SLC5A4: variants seen among roughly 807,000 people sequenced by gnomAD.
SLC5A4 encodes probable glucose sensor protein SLC5A4.
Under a neutral mutation model 70.3 loss-of-function variants are expected in SLC5A4, and 55 were observed. The ratio of observed to expected loss-of-function variants is 0.78; its 90% confidence interval spans 0.63 to 0.98. The LOEUF is 0.98. Ranked by LOEUF, SLC5A4 falls within the 50% of genes least tolerant of loss-of-function variation. SLC5A4 has a pLI of 0.00. For synonymous variants in SLC5A4, 268 were observed against 305.7 expected (o/e 0.88, Z 1.29); for missense variants, 735 against 839.2 (o/e 0.88, Z 1.53).
intron 2 of SLC5A4, among the ~76,000 whole-genome samples, chr22:32,252,217 A>G (rs1468362797): frequency 3.3e-5 from 5 of 150,246 alleles, no homozygotes; most frequent in African/African-American, 1.2e-4. Context: ...GTGACAGAGC[A>G]AGACTCTGTC....
chr22:32,243,534 A>G (rs1926653304), intron 5 of SLC5A4, among the ~76,000 whole-genome samples: 1 of 152,218 alleles, frequency 6.6e-6, no homozygotes, highest in South Asian at 2.1e-4. Flanking sequence ...CCCTGCTCCT[A>G]GGAATAACAA....
chr22:32,329,638 C>G, the SLC5A4 span, among the ~76,000 whole-genome samples: 1 of 60,892 alleles, frequency 1.6e-5, no homozygotes, highest in Non-Finnish European at 2.9e-5. Context: ...TTGGAGGGCT[C>G]TGGGGTGTGT....
At chr22:32,333,160 G>A in the SLC5A4 span, among the ~76,000 whole-genome samples, 5 of 151,012 alleles carry the variant, frequency 3.3e-5, no homozygotes, top group African/African-American at 9.7e-5. Context: ...ATGAGGTGCC[G>A]GGACTCCCAG....
the SLC5A4 span, among the ~76,000 whole-genome samples, chr22:32,299,656 G>C: frequency 1.0e-5 from 1 of 99,966 alleles, no homozygotes; most frequent in Non-Finnish European, 2.1e-5. Flanking sequence ...CTCTCAGCTC[G>C]TCAAAGTCAT....
the SLC5A4 span, among the ~76,000 whole-genome samples, chr22:32,354,728 T>A: frequency 1.3e-5 from 2 of 151,240 alleles, 1 homozygote; most frequent in South Asian, 4.2e-4. Context: ...AGATACCACA[T>A]CCAACCAGCC....
intron 3 of SLC5A4, among the ~76,000 whole-genome samples, chr22:32,249,349 G>A (rs542993212): frequency 1.3e-5 from 2 of 152,298 alleles, no homozygotes; most frequent in South Asian, 4.2e-4. Flanking sequence ...CAGAGATTAA[G>A]GGGGCCCAAG....
upstream of SLC5A4, among the ~76,000 whole-genome samples, chr22:32,256,098 C>T (rs141465249): frequency 3.4e-4 from 52 of 152,294 alleles, no homozygotes; most frequent in East Asian, 4.6e-3. Flanking sequence ...GAGAGCATCA[C>T]TTGAGGCCAG....
chr22:32,312,917 A>G, the SLC5A4 span, among the ~76,000 whole-genome samples: 4 of 152,192 alleles, frequency 2.6e-5, no homozygotes, highest in Non-Finnish European at 5.9e-5. Context: ...AGAAGAATCC[A>G]GGTTTCCTCT....
the SLC5A4 span, among the ~76,000 whole-genome samples, chr22:32,310,114 A>G: frequency 6.6e-6 from 1 of 151,436 alleles, no homozygotes; most frequent in Non-Finnish European, 1.5e-5. Context: ...TCCTCCTAGA[A>G]GGTTGTAAAT....
chr22:32,328,311 C>CCCAAAGGAGAA, the SLC5A4 span, among the ~76,000 whole-genome samples: 2 of 152,108 alleles, frequency 1.3e-5, no homozygotes, highest in African/African-American at 4.8e-5. Context: ...TCCTTTGGTA[C>CCCAAAGGAGAA]CCAAAGGAGA....
the SLC5A4 span, among the ~76,000 whole-genome samples, chr22:32,320,542 GTCC>G: frequency 3.3e-5 from 5 of 152,166 alleles, no homozygotes. Context: ...TTGGGCAGCT[GTCC>G]TCAGCCACCT....
At chr22:32,251,681 C>A in intron 3 of SLC5A4, 89 bp downstream of exon 3, 1 of 852,798 alleles carries the variant, frequency 1.2e-6, no homozygotes, top group Non-Finnish European at 2.0e-6. Flanking sequence ...AATTATCCAG[C>A]CTGTGATATT....
In SLC5A4 at chr22:32,255,315, A is replaced by G; in HGVS notation, c.15T>C (p.Val5=). The G allele has an allele frequency of 3.1e-6, 5 of 1,614,154 alleles. No homozygotes were observed. Among genetic ancestry groups the G allele is most frequent in the Non-Finnish European group, 4.2e-6 (5 of 1,180,008 alleles). ...GGGTCTCAGCTATGGTGCTGGGGCT[A>G]ACCGTACTGGCCATGGCTGCAGGCA... MAST[V]SPSTIAETPE... is the part of the protein sequence containing the mutation. The change falls in exon 1 of 15, where the codon GTT becomes GTC. Residue 5 remains valine, a synonymous_variant. Coordinates refer to ENST00000266086, the MANE Select transcript of SLC5A4 (RefSeq NM_014227.3).
the SLC5A4 span, among the ~76,000 whole-genome samples, chr22:32,347,186 A>T: frequency 6.6e-6 from 1 of 152,222 alleles, no homozygotes; most frequent in East Asian, 1.9e-4. Flanking sequence ...AATGGCGATC[A>T]TTAAAAAGTC....
At chr22:32,326,867 C>G in the SLC5A4 span, among the ~76,000 whole-genome samples, 4 of 152,092 alleles carry the variant, frequency 2.6e-5, no homozygotes, top group Non-Finnish European at 5.9e-5. Flanking sequence ...GAGCAGAGGT[C>G]GGAGAGATGT....
chr22:32,328,097 A>ACACACACACAC, the SLC5A4 span, among the ~76,000 whole-genome samples: 790 of 108,806 alleles, frequency 7.3e-3, 5 homozygotes, highest in Non-Finnish European at 0.012. Context: ...CCAACACACA[A>ACACACACACAC]ACACACACAC....
chr22:32,270,515 G>C, the SLC5A4 span: 2 of 721,680 alleles, frequency 2.8e-6, no homozygotes, highest in South Asian at 3.1e-5. Flanking sequence ...GACCACCGCA[G>C]ACAGTGATTC....
intron 12 of SLC5A4, among the ~76,000 whole-genome samples, 158 bp from the exon 13 acceptor site, chr22:32,224,640 A>G (rs1925288197): frequency 6.6e-6 from 1 of 152,174 alleles, no homozygotes; most frequent in African/African-American, 2.4e-5. Context: ...TTGCAAATAC[A>G]TGTGCTTCTT....
At chr22:32,225,884 G>C in intron 11 of SLC5A4, 61 bp from the exon 12 acceptor site, 1 of 1,181,350 alleles carries the variant, frequency 8.5e-7, no homozygotes, top group East Asian at 2.6e-5. Flanking sequence ...CTTCCATTGT[G>C]CTTTAGTTCT....
Sources: allele counts gnomAD v4.1 joint callset (sites outside exome capture counted in the v4.1 genomes callset), GRCh38; gene constraint gnomAD v4.1.1; transcripts MANE v1.5; gene names NCBI Gene and HGNC (gene_info 2026-07-23, HGNC 2026-07-21).